The following BMAL2 variants were observed in gnomAD, a reference collection of about 807,000 sequenced individuals.
BMAL2 encodes basic helix-loop-helix ARNT like 2, also known as basic helix-loop-helix ARNT-like protein 2.
the BMAL2 span, chr12:27,389,129 G>A: frequency 8.1e-7 from 1 of 1,236,592 alleles, no homozygotes; most frequent in Non-Finnish European, 1.2e-6. Flanking sequence ...ATCAAGAAAT[G>A]TAGAAAAAGC....
the BMAL2 span, among the ~76,000 whole-genome samples, chr12:27,365,730 T>TC: frequency 2.6e-5 from 4 of 151,612 alleles, no homozygotes; most frequent in African/African-American, 7.2e-5. Flanking sequence ...AATTTTTTTT[T>TC]TGTACATTTT....
At chr12:27,393,738 G>C in the BMAL2 span, among the ~76,000 whole-genome samples, 1 of 152,160 alleles carries the variant, frequency 6.6e-6, no homozygotes, top group Non-Finnish European at 1.5e-5. Flanking sequence ...CTATGTGCCA[G>C]GTACTATGCC....
At chr12:27,334,373 A>G in the BMAL2 span, among the ~76,000 whole-genome samples, 2 of 152,228 alleles carry the variant, frequency 1.3e-5, no homozygotes, top group Non-Finnish European at 2.9e-5. Context: ...TTAGGAGTAA[A>G]TGAGATATGA....
the BMAL2 span, among the ~76,000 whole-genome samples, chr12:27,342,135 A>G: frequency 6.6e-6 from 1 of 152,064 alleles, no homozygotes; most frequent in African/African-American, 2.4e-5. Flanking sequence ...ACGTGGTTTC[A>G]TCATGATGGT....
chr12:27,379,201 A>G, the BMAL2 span, among the ~76,000 whole-genome samples: 1 of 152,340 alleles, frequency 6.6e-6, no homozygotes, highest in East Asian at 1.9e-4. Flanking sequence ...ATAAATCAGG[A>G]GTAGTACAGG....
At chr12:27,415,146 C>T in the BMAL2 span, among the ~76,000 whole-genome samples, 10 of 152,198 alleles carry the variant, frequency 6.6e-5, no homozygotes, top group African/African-American at 1.9e-4. Flanking sequence ...GTCTACAGAT[C>T]GAATGTGCAG....
chr12:27,347,192 A>G, the BMAL2 span, among the ~76,000 whole-genome samples: 26 of 152,244 alleles, frequency 1.7e-4, no homozygotes, highest in Non-Finnish European at 3.5e-4. Context: ...GCAGTAGTCA[A>G]GTACGAGATA....
chr12:27,361,909 T>C, the BMAL2 span, among the ~76,000 whole-genome samples: 6 of 152,304 alleles, frequency 3.9e-5, no homozygotes, highest in Admixed American at 6.5e-5. Flanking sequence ...CAGATTTTTA[T>C]TTTGTGAAGA....
At chr12:27,408,589 TATCTC>T in the BMAL2 span, among the ~76,000 whole-genome samples, 1 of 152,214 alleles carries the variant, frequency 6.6e-6, no homozygotes, top group Non-Finnish European at 1.5e-5. Flanking sequence ...TGATGGGACA[TATCTC>T]AAAATAATAA....
At chr12:27,380,352 G>GGACA in the BMAL2 span, 2 of 1,614,162 alleles carry the variant, frequency 1.2e-6, no homozygotes, top group Middle Eastern at 3.3e-4. Flanking sequence ...CGCGTAAACT[G>GGACA]GACAAACTTA....
At chr12:27,377,818 C>G in the BMAL2 span, among the ~76,000 whole-genome samples, 1 of 152,222 alleles carries the variant, frequency 6.6e-6, no homozygotes, top group African/African-American at 2.4e-5. Flanking sequence ...TATGTGAATA[C>G]AATTTAATCT....
At chr12:27,336,693 G>GT in the BMAL2 span, among the ~76,000 whole-genome samples, 2 of 152,106 alleles carry the variant, frequency 1.3e-5, no homozygotes, top group Non-Finnish European at 2.9e-5. Context: ...GCTCACGCCT[G>GT]TAATCCCAGC....
At chr12:27,390,489 C>A in the BMAL2 span, 5 of 359,640 alleles carry the variant, frequency 1.4e-5, no homozygotes, top group Non-Finnish European at 2.5e-5. Flanking sequence ...TAGTTTGGGG[C>A]CTATCAAGTG....
the BMAL2 span, among the ~76,000 whole-genome samples, chr12:27,395,367 T>C: frequency 6.6e-6 from 1 of 152,186 alleles, no homozygotes; most frequent in South Asian, 2.1e-4. Flanking sequence ...TTCCTAGATA[T>C]GGGAGCTCAA....
At chr12:27,390,356 A>G in the BMAL2 span, 1 of 1,190,916 alleles carries the variant, frequency 8.4e-7, no homozygotes, top group Non-Finnish European at 1.2e-6. Flanking sequence ...ATTCAAAAGC[A>G]TCTTAAAAAT....
the BMAL2 span, among the ~76,000 whole-genome samples, chr12:27,340,642 G>T: frequency 6.6e-6 from 1 of 152,140 alleles, no homozygotes; most frequent in Non-Finnish European, 1.5e-5. Flanking sequence ...GTTCCGTGAA[G>T]AATGTCATTG....
At chr12:27,363,468 T>C in the BMAL2 span, among the ~76,000 whole-genome samples, 4 of 152,170 alleles carry the variant, frequency 2.6e-5, no homozygotes, top group African/African-American at 9.7e-5. Context: ...TTGCTCCTCA[T>C]CCTCACCAAC....
the BMAL2 span, among the ~76,000 whole-genome samples, chr12:27,351,126 C>T: frequency 2.0e-5 from 3 of 151,844 alleles, no homozygotes; most frequent in Non-Finnish European, 4.4e-5. Flanking sequence ...GTAGCTGGGA[C>T]TACAGGTGTG....
the BMAL2 span, among the ~76,000 whole-genome samples, chr12:27,391,442 A>G: frequency 6.6e-6 from 1 of 151,836 alleles, no homozygotes; most frequent in Non-Finnish European, 1.5e-5. Flanking sequence ...TCCACCAGGG[A>G]TGGGCACCTA....
Sources: gnomAD v4.1 joint callset for allele counts (sites outside exome capture counted in the v4.1 genomes callset) on GRCh38, gnomAD v4.1.1 for gene constraint, MANE v1.5 for transcripts, NCBI Gene and HGNC (gene_info 2026-07-23, HGNC 2026-07-21) for gene names.